Variants in SLC16A10 observed in about 807,000 individuals in gnomAD.
SLC16A10 encodes monocarboxylate transporter 10.
SLC16A10 carries 27 observed loss-of-function variants against 40.0 expected under a neutral mutation model. The observed-to-expected ratio is 0.67, with a 90% CI of 0.50 to 0.93. The LOEUF (loss-of-function observed/expected upper bound fraction) is 0.93, where lower values mean the gene tolerates loss of function less well. Ranked by LOEUF, SLC16A10 falls within the 40% of genes least tolerant of loss-of-function variation. The pLI is 0.00. For synonymous variants in SLC16A10, 213 were observed against 249.8 expected (o/e 0.85, Z 1.39); for missense variants, 529 against 658.2 (o/e 0.80, Z 2.15).
intron 1 of SLC16A10, among the ~76,000 whole-genome samples, chr6:111,139,887 A>T (rs1300886716): frequency 6.6e-6 from 1 of 152,186 alleles, no homozygotes; most frequent in Non-Finnish European, 1.5e-5. Flanking sequence ...TACAGTATAT[A>T]AGCATTCCTT....
chr6:111,093,487 C>G (rs1305637106), intron 1 of SLC16A10, among the ~76,000 whole-genome samples: 24 of 152,218 alleles, frequency 1.6e-4, no homozygotes, highest in Admixed American at 1.6e-3. Flanking sequence ...TTGTTCCCCC[C>G]ACACCAAGTT....
chr6:111,223,736 G>A lies in SLC16A10; in HGVS notation c.*1501G>A, dbSNP rs1267716952. ...TCAGTCATGTCCAGTTATATAAAAC[G>A]TTACTTTCTCATTTTTGAGAAGTTC... On this transcript the variant is annotated 3_prime_UTR_variant, in exon 6 of 6. Transcript: ENST00000368851. The A allele has an allele frequency of 6.6e-6, 1 of 152,068 alleles. No homozygotes were observed. 9.4% of individuals were successfully genotyped at this position (152,068 alleles called of 1,614,324 possible).
At chr6:111,208,581 GAAA>G (rs879395037) in intron 4 of SLC16A10, among the ~76,000 whole-genome samples, 1 of 142,944 alleles carries the variant, frequency 7.0e-6, no homozygotes, top group East Asian at 2.0e-4. Flanking sequence ...CCATCTCAGA[GAAA>G]AAAAAAAAAT....
intron 1 of SLC16A10, among the ~76,000 whole-genome samples, chr6:111,161,409 C>T (rs1436327486): frequency 6.6e-6 from 1 of 151,838 alleles, no homozygotes; most frequent in African/African-American, 2.4e-5. Context: ...ACCAGGGACC[C>T]GTTCCTACAC....
Position 111,227,156 on chromosome 6 carries a change from A to G in SLC16A10, c.*4921A>G, listed in dbSNP as rs966390142. 1 of 152,242 alleles carries G rather than the reference A, an allele frequency of 6.6e-6. No individual in the cohort carries two copies. The highest frequency in any genetic ancestry group is 1.5e-5 in the Non-Finnish European group (1 of 68,052). 9.4% of individuals were successfully genotyped at this position (152,242 alleles called of 1,614,324 possible). A position where few individuals can be genotyped will look rare whatever the true frequency, so the allele number is the denominator to read the frequency against. On this transcript the variant is annotated 3_prime_UTR_variant, in exon 6 of 6. Transcript: ENST00000368851. ...AGGAAAAAAAAATTTGTTCTGCTCT[A>G]CTATACATGCTGACTTTTGTTGATA...
chr6:111,104,786 CAG>C (rs1263225232), intron 1 of SLC16A10, among the ~76,000 whole-genome samples: 3 of 152,152 alleles, frequency 2.0e-5, no homozygotes, highest in African/African-American at 7.2e-5. Context: ...TGAGCGGACT[CAG>C]GGGCTGCTTC....
chr6:111,203,719 C>CAAATAAATAAATAACT (rs1773209100), intron 3 of SLC16A10, among the ~76,000 whole-genome samples: 1 of 138,080 alleles, frequency 7.2e-6, no homozygotes, highest in Non-Finnish European at 1.6e-5. Flanking sequence ...AACCCCATCT[C>CAAATAAATAAATAACT]AAATAAATAA....
intron 3 of SLC16A10, among the ~76,000 whole-genome samples, chr6:111,195,437 G>C (rs1773064030): frequency 1.3e-5 from 2 of 152,154 alleles, no homozygotes; most frequent in Admixed American, 6.5e-5. Flanking sequence ...GGTGACAGTT[G>C]TACAACAATG....
Position 111,089,709 on chromosome 6 carries a change from A to G in SLC16A10, c.343+1614A>G, listed in dbSNP as rs964966197. ...AAAAATAGTTTGTTGTCTTTTCTAT[A>G]TGAGTATTGGGTGTCAGAGAGAAAA... On this transcript the variant is annotated intron_variant, in intron 1 of 5. Transcript: ENST00000368851. 2.0e-5 allele frequency among the ~76,000 whole-genome samples: 3 copies of G among 152,268 alleles called. No individual in the cohort carries two copies. The South Asian group carries it at 6.2e-4, about 32-fold the overall frequency.
chr6:111,213,211 C>T (rs139725409), intron 4 of SLC16A10, among the ~76,000 whole-genome samples: 292 of 152,198 alleles, frequency 1.9e-3, no homozygotes, highest in Non-Finnish European at 3.0e-3. Flanking sequence ...AGCAGACAAC[C>T]CAGACAACAC....
At position 111,222,386 on chromosome 6, in the gene SLC16A10, A is replaced by G. The variant is rs1770917547; in HGVS notation, c.*151A>G. The G allele has an allele frequency of 3.1e-6, 3 of 980,468 alleles. No individual in the cohort carries two copies. Among genetic ancestry groups the G allele is most frequent in the Non-Finnish European group, 2.8e-6 (2 of 714,920 alleles). The allele number at this position is 980,468 out of a possible 1,614,324, so 60.7% of individuals were successfully genotyped here. Reference sequence around the variant, plus strand: ...AAATAGAACCCTTATCACTAGAAGAACCATTTTCTGCCACTAAATATCTCT... The same window carrying G: ...AAATAGAACCCTTATCACTAGAAGAGCCATTTTCTGCCACTAAATATCTCT... On this transcript the variant is annotated 3_prime_UTR_variant, in exon 6 of 6. Transcript: ENST00000368851.
At chr6:111,201,305 G>T (rs1255263505) in intron 3 of SLC16A10, among the ~76,000 whole-genome samples, 1 of 152,136 alleles carries the variant, frequency 6.6e-6, no homozygotes, top group Non-Finnish European at 1.5e-5. Context: ...ACTGGGTGGG[G>T]GTAGAGGGGT....
chr6:111,135,280 G>T (rs538319133), intron 1 of SLC16A10, among the ~76,000 whole-genome samples: 1 of 152,268 alleles, frequency 6.6e-6, no homozygotes, highest in South Asian at 2.1e-4. Context: ...AAAGGATTCT[G>T]CCTCCTTTCC....
Position 111,182,007 on chromosome 6 carries a change from G to GT in SLC16A10, c.942+4351dup, listed in dbSNP as rs371326205. Among the ~76,000 whole-genome samples, 766 of 149,842 alleles carry GT rather than the reference G, an allele frequency of 5.1e-3. 3 individuals carry two copies. The highest frequency in any genetic ancestry group is 9.4e-3 in the African/African-American group (382 of 40,808). ...TTTGTTTTGTTTTGTTTTTGTTTTC[G>GT]TTTTTTTTTGAGACGGAGTCTTGCT... On this transcript the variant is annotated intron_variant, in intron 3 of 5. Transcript: ENST00000368851.
chr6:111,138,024 C>T (rs1771913440), intron 1 of SLC16A10, among the ~76,000 whole-genome samples: 1 of 152,222 alleles, frequency 6.6e-6, no homozygotes, highest in South Asian at 2.1e-4. Context: ...TGGGTACCCT[C>T]CCTTTGTATG....
intron 1 of SLC16A10, among the ~76,000 whole-genome samples, chr6:111,090,859 G>A (rs911909913): frequency 4.6e-5 from 7 of 152,084 alleles, no homozygotes; most frequent in Admixed American, 1.3e-4. Context: ...TTCTATTACC[G>A]TACTCATGAT....
chr6:111,185,754 G>A (rs531372947), intron 3 of SLC16A10, among the ~76,000 whole-genome samples: 1 of 152,210 alleles, frequency 6.6e-6, no homozygotes, highest in East Asian at 1.9e-4. Context: ...ACTATTGCAG[G>A]AAAATGGAAA....
chr6:111,100,021 CAA>C (rs56154710), intron 1 of SLC16A10, among the ~76,000 whole-genome samples: 331 of 112,558 alleles, frequency 2.9e-3, no homozygotes, highest in African/African-American at 4.8e-3. Context: ...GACCCTGTCT[CAA>C]AAAAAAAAAA....
intron 3 of SLC16A10, among the ~76,000 whole-genome samples, chr6:111,198,841 G>A (rs1773120992): frequency 6.6e-6 from 1 of 152,196 alleles, no homozygotes. Flanking sequence ...TAAGTTTAAA[G>A]AGCATGTCCC....
Sources: gnomAD v4.1 joint callset for allele counts (sites outside exome capture counted in the v4.1 genomes callset) on GRCh38, gnomAD v4.1.1 for gene constraint, MANE v1.5 for transcripts, NCBI Gene and HGNC (gene_info 2026-07-23, HGNC 2026-07-21) for gene names.